The following SLC27A5 variants were observed in gnomAD, a reference collection of about 807,000 sequenced individuals.
SLC27A5 encodes the protein solute carrier family 27 member 5.
Under a neutral mutation model 63.1 loss-of-function variants are expected in SLC27A5, and 47 were observed. The observed-to-expected ratio is 0.74, with a 90% confidence interval of 0.59 to 0.95. The LOEUF (loss-of-function observed/expected upper bound fraction) is 0.95, where lower values mean the gene tolerates loss of function less well. Ranked by LOEUF, SLC27A5 falls within the 40% of genes least tolerant of loss-of-function variation. The pLI is 0.00. For synonymous variants in SLC27A5, 391 were observed against 403.8 expected, an observed-to-expected ratio of 0.97 and a Z score of 0.38; for missense variants, 940 against 921.0, an observed-to-expected ratio of 1.02 and a Z score of -0.27.
intron 3 of SLC27A5, 98 bp downstream of exon 3, chr19:58,509,749 G>T: frequency 2.6e-6 from 3 of 1,154,512 alleles, no homozygotes; most frequent in Non-Finnish European, 3.6e-6. Flanking sequence ...AACACAGGGT[G>T]CTGGGTAACC....
At position 58,507,221 on chromosome 19, in the gene SLC27A5, GTGGT is replaced by G. The variant is rs1345000676; in HGVS notation, c.1057+2622_1057+2625del. On this transcript the variant is annotated intron_variant, in intron 3 of 9. Transcript: ENST00000263093. ...AAAATTCAAAAATTAGCCGGGCATA[GTGGT>G]GGGCACCTGTAATAACAGCTACTCG... is the stretch of plus-strand genomic sequence containing the variant. Among the ~76,000 whole-genome samples, 6 of 152,174 alleles carry G rather than the reference GTGGT, an allele frequency of 3.9e-5. No homozygotes were observed. The East Asian group carries it at 1.2e-3, about 30-fold the overall frequency.
chr19:58,498,506 G>C lies in SLC27A5; in HGVS notation c.*9C>G, dbSNP rs757064472. ...CTTTGATCCCTACCCCAGTGGGTTG[G>C]CCAGGTGATCAGAGCCTCCAGGTTC... On this transcript the variant is annotated 3_prime_UTR_variant, in exon 10 of 10. Transcript: ENST00000263093. 10 of 1,604,912 alleles carry C rather than the reference G, an allele frequency of 6.2e-6. No individual in the cohort carries two copies. In the Admixed American group the frequency reaches 1.0e-4, roughly 16 times the overall value.
chr19:58,498,965 G>C (rs745648383), intron 8 of SLC27A5, 50 bp from the exon 9 acceptor site: 1 of 1,596,140 alleles, frequency 6.3e-7, no homozygotes. Flanking sequence ...AGGGCCCATA[G>C]CTGACCCTCC....
At chr19:58,502,774 G>A (rs55962559) in intron 3 of SLC27A5, among the ~76,000 whole-genome samples, 10 of 149,012 alleles carry the variant, frequency 6.7e-5, no homozygotes, top group African/African-American at 2.0e-4. Flanking sequence ...TGGATGGGTG[G>A]ACAGTTAGAG....
In SLC27A5 at chr19:58,498,926, G is replaced by A. The variant is rs200170382; in HGVS notation, c.1766-11C>T. The A allele has an allele frequency of 6.2e-7, 1 of 1,609,474 alleles. No homozygotes were observed. Among genetic ancestry groups the A allele is most frequent in the East Asian group, 2.2e-5 (1 of 44,806 alleles). ...CCTTACCCTCACAACCTAGAGAGCA[G>A]TCTGGTCACTCTCGGCTGACCCATC... is the stretch of plus-strand genomic sequence containing the variant. On this transcript the variant is annotated splice_polypyrimidine_tract_variant and intron_variant, in intron 8 of 9. Coordinates refer to ENST00000263093, the MANE Select transcript of SLC27A5 (RefSeq NM_012254.3).
intron 3 of SLC27A5, 143 bp downstream of exon 3, chr19:58,509,704 G>T: frequency 4.2e-6 from 3 of 712,974 alleles, no homozygotes; most frequent in Non-Finnish European, 6.7e-6. Flanking sequence ...TGCGGCCCTG[G>T]TAGTCATTGG....
intron 7 of SLC27A5, 83 bp from the exon 8 acceptor site, chr19:58,499,303 G>C: frequency 1.4e-6 from 2 of 1,446,996 alleles, no homozygotes; most frequent in Non-Finnish European, 1.9e-6. Context: ...CCCCTTTTGG[G>C]GATCAGGAGG....
rs543044975 is a variant in SLC27A5, at chr19:58,511,299, G to A, written c.657C>T (p.Ser219=). Residue 219 remains serine, a synonymous_variant, in exon 1 of 10, where the codon AGC becomes AGT. Coordinates refer to ENST00000263093, the MANE Select transcript of SLC27A5 (RefSeq NM_012254.3). ...RGMPLAHSVL[S]SGARVLVVDP... ...CCACCACCAGCACCCGGGCCCCAGA[G>A]CTCAGCACAGAGTGCGCCAGGGGCA... 2 of 1,573,420 alleles carry A rather than the reference G, an allele frequency of 1.3e-6. No homozygotes were observed. The highest frequency in any genetic ancestry group is 2.3e-5 in the East Asian group (1 of 44,220).
In SLC27A5 at chr19:58,500,723, A is replaced by T; in HGVS notation, c.1183-17T>A. On this transcript the variant is annotated splice_polypyrimidine_tract_variant and intron_variant, in intron 4 of 9. Coordinates refer to ENST00000263093, the MANE Select transcript of SLC27A5 (RefSeq NM_012254.3). ...CTCTGGTTGCTACAGGAATGTCCCC[A>T]GAAGGGTGAGGAGGAGGTGCTCTTG... The T allele has an allele frequency of 2.5e-6, 4 of 1,605,688 alleles. No homozygotes were observed. Among genetic ancestry groups the T allele is most frequent in the Non-Finnish European group, 2.6e-6 (3 of 1,173,370 alleles).
At chr19:58,506,031 A>G (rs144351505) in intron 3 of SLC27A5, among the ~76,000 whole-genome samples, 2 of 151,714 alleles carry the variant, frequency 1.3e-5, no homozygotes, top group East Asian at 2.0e-4. Flanking sequence ...GGAGCCTGTA[A>G]TAACAGCTAC....
intron 3 of SLC27A5, among the ~76,000 whole-genome samples, chr19:58,503,429 G>T (rs1032700302): frequency 6.6e-6 from 1 of 152,056 alleles, no homozygotes; most frequent in Admixed American, 6.6e-5. Context: ...GGAGGCTGAG[G>T]GGGGTGGATC....
chr19:58,500,879 G>A, intron 4 of SLC27A5, 173 bp from the exon 5 acceptor site: 1 of 1,427,622 alleles, frequency 7.0e-7, no homozygotes, highest in Non-Finnish European at 9.1e-7. Flanking sequence ...GTAGTTACTG[G>A]AGTCTTAAAT....
intron 2 of SLC27A5, 29 bp from the exon 3 acceptor site, chr19:58,510,034 G>A (rs765863347): frequency 1.2e-6 from 2 of 1,605,756 alleles, no homozygotes; most frequent in Admixed American, 1.7e-5. Flanking sequence ...CAAGGGCAGG[G>A]TGGTGACATG....
chr19:58,511,932 G>A lies in SLC27A5; in HGVS notation c.24C>T (p.Ala8=). 3.2e-6 allele frequency: 5 copies of A among 1,542,442 alleles called. No homozygotes were observed. In the South Asian group the frequency reaches 4.8e-5, roughly 15 times the overall value. The change falls in exon 1 of 10, where the codon GCC becomes GCT. Residue 8 remains alanine, a synonymous_variant. Transcript: ENST00000263093. ...GCAGGAGCAGCAGCAGCAGCAGCAA[G>A]GCCAACTGTTGCCTGACACCCATGG... The part of the protein sequence containing the change: MGVRQQL[A]LLLLLLLLLW...
intron 3 of SLC27A5, among the ~76,000 whole-genome samples, chr19:58,504,879 A>T (rs2053327249): frequency 6.6e-6 from 1 of 151,320 alleles, no homozygotes; most frequent in Admixed American, 6.6e-5. Flanking sequence ...GGTGGCGGTC[A>T]CTTGTAGTCC....
At position 58,498,341 on chromosome 19, in the gene SLC27A5, A is replaced by G. The variant is rs995414170; in HGVS notation, c.*174T>C. On this transcript the variant is annotated 3_prime_UTR_variant, in exon 10 of 10. Transcript: ENST00000263093. ...CACGCAGACATACAGACTTCTGTGA[A>G]CACATCTGAGTTTATTCTGCCACTG... 6 of 649,474 alleles carry G rather than the reference A, an allele frequency of 9.2e-6. No individual in the cohort carries two copies. In the Admixed American group the frequency reaches 1.8e-4, roughly 19 times the overall value. 40.2% of individuals were successfully genotyped at this position (649,474 alleles called of 1,614,324 possible).
At chr19:58,505,825 G>A (rs992169315) in intron 3 of SLC27A5, among the ~76,000 whole-genome samples, 2 of 132,624 alleles carry the variant, frequency 1.5e-5, no homozygotes, top group East Asian at 4.4e-4. Context: ...TCCATCCTGG[G>A]CAACAATAGT....
At chr19:58,499,318 G>A (rs2053245912) in intron 7 of SLC27A5, 98 bp from the exon 8 acceptor site, 2 of 1,334,218 alleles carry the variant, frequency 1.5e-6, no homozygotes, top group East Asian at 2.6e-5. Context: ...AGGAGGCCCA[G>A]TCAGCCCCGC....
In SLC27A5 at chr19:58,510,010, G is replaced by T; in HGVS notation, c.899-5C>A. The T allele has an allele frequency of 6.2e-7, 1 of 1,612,358 alleles. No individual in the cohort carries two copies. The highest frequency in any genetic ancestry group is 1.3e-5 in the African/African-American group (1 of 75,036). On this transcript the variant is annotated splice_polypyrimidine_tract_variant and splice_region_variant and intron_variant, in intron 2 of 9. Coordinates refer to ENST00000263093, the MANE Select transcript of SLC27A5 (RefSeq NM_012254.3). ...GGATGGCTGGCTTCGGGAGGCCTTG[G>T]GATGAAGGCATGGCAAGGGCAGGGT...
Sources: gnomAD v4.1 joint callset for allele counts (sites outside exome capture counted in the v4.1 genomes callset) on GRCh38, gnomAD v4.1.1 for gene constraint, MANE v1.5 for transcripts, NCBI Gene and HGNC (gene_info 2026-07-23, HGNC 2026-07-21) for gene names.